ARFIP1: variants seen among roughly 807,000 people sequenced by gnomAD.
ARFIP1 encodes arfaptin-1.
Under a neutral mutation model 42.5 loss-of-function variants are expected in ARFIP1, and 24 were observed. The ratio of observed to expected loss-of-function variants is 0.57; its 90% CI spans 0.41 to 0.80. ARFIP1 has a LOEUF of 0.80. ARFIP1 is among the 30% of genes least tolerant of loss of function. ARFIP1 has a pLI of 0.00. For synonymous variants in ARFIP1, 141 were observed against 153.7 expected (o/e 0.92, Z 0.61); for missense variants, 354 against 434.0 (o/e 0.82, Z 1.64).
chr4:152,809,010 C>T (rs532841784), intron 1 of ARFIP1, among the ~76,000 whole-genome samples: 10 of 152,090 alleles, frequency 6.6e-5, no homozygotes, highest in Non-Finnish European at 1.3e-4. Context: ...AAAGATTGCA[C>T]CACTGCATTC....
At chr4:152,840,604 G>A (rs79749433) in intron 2 of ARFIP1, among the ~76,000 whole-genome samples, 7 of 151,872 alleles carry the variant, frequency 4.6e-5, no homozygotes, top group Non-Finnish European at 7.4e-5. Flanking sequence ...GGCATAAAAT[G>A]CCTTTTACCA....
At chr4:152,824,936 T>C (rs1454311701) in intron 1 of ARFIP1, among the ~76,000 whole-genome samples, 1 of 151,800 alleles carries the variant, frequency 6.6e-6, no homozygotes, top group Non-Finnish European at 1.5e-5. Context: ...CAATTCCTTT[T>C]ACAATTGATA....
intron 8 of ARFIP1, among the ~76,000 whole-genome samples, chr4:152,904,952 G>T (rs1295932924): frequency 6.6e-6 from 1 of 152,130 alleles, no homozygotes; most frequent in African/African-American, 2.4e-5. Flanking sequence ...TCTGGTTCTA[G>T]ATCCTTGAGG....
At chr4:152,896,647 C>T (rs1421315796) in intron 8 of ARFIP1, among the ~76,000 whole-genome samples, 1 of 151,916 alleles carries the variant, frequency 6.6e-6, no homozygotes, top group East Asian at 1.9e-4. Context: ...GAAAATGAAA[C>T]CTCTCACTGT....
rs1554037683 is a variant in ARFIP1, at chr4:152,910,147, G to T, written c.1050G>T (p.Gln350His). Residue 350 changes from glutamine (Q) to histidine (H), a missense_variant, in exon 9 of 9, where the codon CAG becomes CAT. By Grantham distance (24) the Gln-to-His change is conservative. Coordinates refer to ENST00000353617, the MANE Select transcript of ARFIP1 (RefSeq NM_001025595.3). ...CTGGGAATCAGAAGCAGCTTGAACA[G>T]ACACTTAAACAGTTCCATATCAAAT... ...YFAGNQKQLE[Q>H]TLKQFHIKLK... The T allele has an allele frequency of 8.1e-6, 13 of 1,614,044 alleles. No individual in the cohort carries two copies. The highest frequency in any genetic ancestry group is 1.6e-4 in the Middle Eastern group (1 of 6,082).
At chr4:152,831,606 G>A (rs1047959139) in intron 2 of ARFIP1, among the ~76,000 whole-genome samples, 2 of 152,062 alleles carry the variant, frequency 1.3e-5, no homozygotes, top group African/African-American at 4.8e-5. Context: ...TCCCATCCTG[G>A]GATAACCACA....
At chr4:152,806,715 TG>T (rs1394574387) in intron 1 of ARFIP1, among the ~76,000 whole-genome samples, 1 of 152,204 alleles carries the variant, frequency 6.6e-6, no homozygotes, top group Non-Finnish European at 1.5e-5. Context: ...AGGCAACCAC[TG>T]ATCTGTCATA....
intron 2 of ARFIP1, among the ~76,000 whole-genome samples, chr4:152,834,233 T>C (rs369951739): frequency 6.4e-4 from 98 of 152,266 alleles, no homozygotes; most frequent in Admixed American, 2.5e-3. Flanking sequence ...ACCTCTAACA[T>C]TGGGAATCAC....
intron 8 of ARFIP1, among the ~76,000 whole-genome samples, chr4:152,891,673 A>G (rs1736861079): frequency 6.6e-6 from 1 of 152,088 alleles, no homozygotes; most frequent in Middle Eastern, 3.4e-3. Context: ...TTGCCAGGTA[A>G]TCTACTTAGC....
At chr4:152,831,437 AT>A (rs1253770799) in intron 2 of ARFIP1, among the ~76,000 whole-genome samples, 1 of 152,010 alleles carries the variant, frequency 6.6e-6, no homozygotes, top group Non-Finnish European at 1.5e-5. Context: ...TCTTAAGCCT[AT>A]TTTTTTTCTT....
chr4:152,781,131 G>A (rs1022362939), intron 1 of ARFIP1, among the ~76,000 whole-genome samples: 2 of 151,290 alleles, frequency 1.3e-5, no homozygotes, highest in Admixed American at 6.6e-5. Flanking sequence ...GTGTGTTCAT[G>A]TTTGCCATTT....
intron 1 of ARFIP1, among the ~76,000 whole-genome samples, chr4:152,822,319 AG>A (rs1403965690): frequency 8.7e-4 from 119 of 137,338 alleles, no homozygotes; most frequent in South Asian, 4.9e-3. Context: ...AAAAAAAAAA[AG>A]ACAAGGTCAT....
At chr4:152,815,893 C>T (rs953061403) in intron 1 of ARFIP1, among the ~76,000 whole-genome samples, 10 of 151,580 alleles carry the variant, frequency 6.6e-5, no homozygotes, top group Admixed American at 1.3e-4. Flanking sequence ...TACAGGCGCC[C>T]GCCACTACGC....
At chr4:152,866,624 G>T (rs529492206) in intron 3 of ARFIP1, among the ~76,000 whole-genome samples, 101 of 151,824 alleles carry the variant, frequency 6.7e-4, no homozygotes, top group African/African-American at 2.3e-3. Flanking sequence ...CGGGGCGGCT[G>T]TCCTGGTGGG....
intron 5 of ARFIP1, among the ~76,000 whole-genome samples, chr4:152,876,225 A>T (rs1735318537): frequency 6.6e-6 from 1 of 152,224 alleles, no homozygotes; most frequent in Non-Finnish European, 1.5e-5. Flanking sequence ...TCAGAAGAAG[A>T]CAGGAAAATG....
At chr4:152,895,471 T>TG (rs951610353) in intron 8 of ARFIP1, among the ~76,000 whole-genome samples, 6 of 151,788 alleles carry the variant, frequency 4.0e-5, no homozygotes, top group Non-Finnish European at 7.4e-5. Flanking sequence ...ACTGTAGTCT[T>TG]GAACTCCTGG....
At chr4:152,845,522 A>G (rs1732469858) in intron 2 of ARFIP1, among the ~76,000 whole-genome samples, 1 of 152,158 alleles carries the variant, frequency 6.6e-6, no homozygotes. Context: ...AAACAACCCC[A>G]TTAAACAAAT....
intron 2 of ARFIP1, among the ~76,000 whole-genome samples, chr4:152,853,569 T>C (rs1279028765): frequency 3.3e-5 from 5 of 152,176 alleles, no homozygotes; most frequent in Non-Finnish European, 7.3e-5. Context: ...ACACTTTTCT[T>C]GCTGTTTTTA....
intron 2 of ARFIP1, among the ~76,000 whole-genome samples, chr4:152,847,129 T>TTTTTTTTTTTTTTTTTG: frequency 9.6e-6 from 1 of 104,674 alleles, no homozygotes; most frequent in East Asian, 2.6e-4. Flanking sequence ...TTGTTCTTTT[T>TTTTTTTTTTTTTTTTTG]TTTTTTTTTT....
Sources: allele counts gnomAD v4.1 joint callset (sites outside exome capture counted in the v4.1 genomes callset), GRCh38; gene constraint gnomAD v4.1.1; transcripts MANE v1.5; gene names NCBI Gene and HGNC (gene_info 2026-07-23, HGNC 2026-07-21).